The following NEBL variants were observed in gnomAD, a reference collection of about 807,000 sequenced individuals.
The protein encoded by NEBL is nebulette.
Under a neutral mutation model 140.2 loss-of-function variants are expected in NEBL, and 122 were observed. The observed-to-expected ratio is 0.87, with a 90% CI of 0.75 to 1.01. The LOEUF (loss-of-function observed/expected upper bound fraction) is 1.01, where lower values mean the gene tolerates loss of function less well. Ranked by LOEUF, NEBL falls within the 50% of genes least tolerant of loss-of-function variation. The pLI is 0.00. For missense variants in NEBL, 1,365 were observed against 1,231.3 expected (o/e 1.11, Z -1.62); for synonymous variants, 436 against 398.9 (o/e 1.09, Z -1.11).
chr10:20,953,388 C>G (rs1835601642), intron 4 of NEBL, among the ~76,000 whole-genome samples: 1 of 152,140 alleles, frequency 6.6e-6, no homozygotes, highest in South Asian at 2.1e-4. Flanking sequence ...ACCAGCCCTA[C>G]CATACCTTGA....
At chr10:20,983,792 A>G (rs971357184) in intron 3 of NEBL, among the ~76,000 whole-genome samples, 2 of 152,216 alleles carry the variant, frequency 1.3e-5, no homozygotes, top group African/African-American at 4.8e-5. Flanking sequence ...AATGCTACAC[A>G]TGACATGTAC....
At chr10:21,140,134 G>A (rs373982663) in intron 2 of NEBL, among the ~76,000 whole-genome samples, 47 of 152,186 alleles carry the variant, frequency 3.1e-4, no homozygotes, top group African/African-American at 9.4e-4. Flanking sequence ...ACACTTCAGC[G>A]TGGTCGACAG....
At chr10:20,916,091 G>A (rs1053856731) in intron 4 of NEBL, among the ~76,000 whole-genome samples, 2 of 152,150 alleles carry the variant, frequency 1.3e-5, no homozygotes, top group African/African-American at 4.8e-5. Flanking sequence ...TAGATGAGAA[G>A]TAAAACACAA....
chr10:20,826,409 G>C lies in NEBL; in HGVS notation c.1869+38C>G, dbSNP rs776941931. 3 of 1,512,842 alleles carry C rather than the reference G, an allele frequency of 2.0e-6. No individual in the cohort carries two copies. The South Asian group carries it at 3.4e-5, about 17-fold the overall frequency. 93.7% of individuals were successfully genotyped at this position (1,512,842 alleles called of 1,614,324 possible). A position where few individuals can be genotyped will look rare whatever the true frequency, so the allele number is the denominator to read the frequency against. ...AAACATTTGTCTATAGTTTTGGTTT[G>C]CTTTTAGAAAAGATAATTAATGCTG... is the stretch of plus-strand genomic sequence containing the variant. On this transcript the variant is annotated intron_variant, in intron 18 of 27. Coordinates refer to ENST00000377122, the MANE Select transcript of NEBL (RefSeq NM_006393.3).
chr10:21,260,665 T>G (rs976276396), intron 1 of NEBL, among the ~76,000 whole-genome samples: 3 of 152,142 alleles, frequency 2.0e-5, no homozygotes, highest in African/African-American at 7.2e-5. Context: ...CAGGCAGAGC[T>G]TTCAGGCATT....
At chr10:21,117,214 C>A (rs779101065) in intron 2 of NEBL, among the ~76,000 whole-genome samples, 16 of 151,682 alleles carry the variant, frequency 1.1e-4, no homozygotes, top group Non-Finnish European at 1.9e-4. Flanking sequence ...CCCTGAGAAC[C>A]AGGGCCTTTC....
At chr10:21,179,480 C>T (rs189502981), upstream of NEBL, among the ~76,000 whole-genome samples, 9 of 152,102 alleles carry the variant, frequency 5.9e-5, no homozygotes, top group East Asian at 1.5e-3. Flanking sequence ...AATGACCCCC[C>T]GCTCCAGCCC....
chr10:21,158,367 A>G (rs148891883), intron 2 of NEBL, among the ~76,000 whole-genome samples: 1 of 152,220 alleles, frequency 6.6e-6, no homozygotes, highest in Non-Finnish European at 1.5e-5. Context: ...TGTCTACTCT[A>G]TGTCAACTAT....
chr10:20,909,478 A>G (rs1848240560), intron 4 of NEBL, among the ~76,000 whole-genome samples: 1 of 152,190 alleles, frequency 6.6e-6, no homozygotes, highest in Non-Finnish European at 1.5e-5. Context: ...AATGAAATGG[A>G]AAATACTTTT....
At chr10:21,156,375 G>A (rs535377141) in intron 2 of NEBL, among the ~76,000 whole-genome samples, 2 of 152,336 alleles carry the variant, frequency 1.3e-5, no homozygotes, top group African/African-American at 2.4e-5. Context: ...TGATTATGAG[G>A]AGGAAAAGAG....
chr10:21,029,990 C>A lies in NEBL; in HGVS notation c.165-9789G>T, dbSNP rs565437152. On this transcript the variant is annotated intron_variant, in intron 2 of 6. Coordinates refer to the NEBL transcript ENST00000417816. ...AGGTATAATGATAGACGTCCCCCGT[C>A]CCCCTCAAAGACCCAAACTGAATCT... 7.0e-4 allele frequency: 338 copies of A among 479,860 alleles called. 3 individuals are homozygous for A. Among genetic ancestry groups the A allele is most frequent in the South Asian group, 6.7e-3 (332 of 49,448 alleles). The allele number at this position is 479,860 out of a possible 1,614,324, so 29.7% of individuals were successfully genotyped here.
At chr10:21,219,992 C>T (rs1229334874) in intron 3 of NEBL, among the ~76,000 whole-genome samples, 3 of 151,918 alleles carry the variant, frequency 2.0e-5, no homozygotes, top group Non-Finnish European at 2.9e-5. Flanking sequence ...CGGCTCACTG[C>T]AACCTCCACC....
chr10:21,172,768 T>C (rs1387899564), intron 1 of NEBL, among the ~76,000 whole-genome samples: 1 of 152,182 alleles, frequency 6.6e-6, no homozygotes, highest in East Asian at 1.9e-4. Flanking sequence ...AGAAACGATT[T>C]CTGAGCTCGG....
In NEBL at chr10:21,004,718, C is replaced by CAA. The variant is rs201763188; in HGVS notation, c.249+15397_249+15398dup. Among the ~76,000 whole-genome samples the CAA allele has an allele frequency of 1.9e-4, 27 of 143,458 alleles. No individual in the cohort carries two copies. The East Asian group carries it at 2.4e-3, about 13-fold the overall frequency. 94.1% of individuals were successfully genotyped at this position (143,458 alleles called of 152,430 possible). A position where few individuals can be genotyped will look rare whatever the true frequency, so the allele number is the denominator to read the frequency against. On this transcript the variant is annotated intron_variant, in intron 3 of 6. Transcript: ENST00000417816. The stretch of plus-strand genomic sequence containing the variant: ...CTGGGGCACAAAGCGAGACTCATCT[C>CAA]AAAAAAAAAAAGAATCACCTGGAGA...
intron 2 of NEBL, among the ~76,000 whole-genome samples, chr10:21,028,780 A>G (rs183799006): frequency 5.9e-5 from 9 of 152,288 alleles, no homozygotes; most frequent in Admixed American, 5.9e-4. Context: ...TAATTTAAAA[A>G]AAAAAATGAA....
At chr10:21,061,435 A>G (rs1835298444) in intron 2 of NEBL, among the ~76,000 whole-genome samples, 1 of 148,450 alleles carries the variant, frequency 6.7e-6, no homozygotes, top group Admixed American at 6.8e-5. Context: ...TGCATGGTGT[A>G]TGATATATAT....
chr10:21,172,557 A>G, intron 1 of NEBL: 1 of 926,734 alleles, frequency 1.1e-6, no homozygotes, highest in Non-Finnish European at 1.7e-6. Flanking sequence ...AAGGCTTTTT[A>G]GTGCATCACA....
chr10:20,958,305 T>C (rs1835898256), intron 4 of NEBL, among the ~76,000 whole-genome samples: 1 of 152,226 alleles, frequency 6.6e-6, no homozygotes, highest in Admixed American at 6.5e-5. Flanking sequence ...TCTGAATTTA[T>C]GCCCTAGAGT....
chr10:20,846,468 A>T (rs1841957684), intron 11 of NEBL, among the ~76,000 whole-genome samples: 1 of 152,200 alleles, frequency 6.6e-6, no homozygotes, highest in African/African-American at 2.4e-5. Flanking sequence ...TCCATACAGC[A>T]ATCTAACAAA....
Sources: gnomAD v4.1 joint callset for allele counts (sites outside exome capture counted in the v4.1 genomes callset) on GRCh38, gnomAD v4.1.1 for gene constraint, MANE v1.5 for transcripts, NCBI Gene and HGNC (gene_info 2026-07-23, HGNC 2026-07-21) for gene names.